Variants in CYP3A5 observed in about 807,000 individuals in gnomAD.
CYP3A5 encodes cytochrome P450 3A5.
A neutral mutation model predicts 55.9 loss-of-function variants in CYP3A5; 51 were observed. The ratio of observed to expected loss-of-function variants is 0.91; its 90% CI spans 0.73 to 1.15. The LOEUF (loss-of-function observed/expected upper bound fraction) is 1.15. Ranked by LOEUF, CYP3A5 falls within the 50% of genes most tolerant of loss-of-function variation. CYP3A5 has a pLI of 0.00. For synonymous variants in CYP3A5, 196 were observed against 213.9 expected (o/e 0.92, Z 0.73); for missense variants, 533 against 596.6 (o/e 0.89, Z 1.11).
rs1181150167 is a variant in CYP3A5 at position 99,664,033 on chromosome 7, T to C, written c.733A>G (p.Thr245Ala). The change falls in exon 8 of 13, where the codon ACC becomes GCC. Residue 245 changes from threonine to alanine, a missense_variant. By Grantham distance (58) the Thr-to-Ala change is moderately conservative (BLOSUM62 0). Transcript: ENST00000222982. ...ACAGATTTACTTAAAAAATTTATGGTATCTTTTGGAAACAGAGAGACATTT... is the reference window on the plus strand; with the variant it reads ...ACAGATTTACTTAAAAAATTTATGGCATCTTTTGGAAACAGAGAGACATTT... ...ALNVSLFPKD[T>A]INFLSKSVNR... is the part of the protein sequence containing the mutation. 3 of 1,601,472 alleles carry C rather than the reference T, an allele frequency of 1.9e-6. No homozygotes were observed. Among genetic ancestry groups the C allele is most frequent in the Non-Finnish European group, 2.5e-6 (3 of 1,177,338 alleles).
intron 7 of CYP3A5, 148 bp downstream of exon 7, chr7:99,665,018 T>G (rs2151420041): frequency 1.2e-6 from 1 of 818,432 alleles, no homozygotes; most frequent in East Asian, 2.7e-5. Flanking sequence ...ACATTTTAGT[T>G]TACAATAGTA....
Position 99,662,805 on chromosome 7 carries a change from T to C in CYP3A5, c.865+11A>G. 6.2e-7 allele frequency: 1 copy of C among 1,613,180 alleles called. No homozygotes were observed. The highest frequency in any genetic ancestry group is 2.2e-5 in the East Asian group (1 of 44,870). On this transcript the variant is annotated intron_variant, in intron 9 of 12. Coordinates refer to ENST00000222982, the MANE Select transcript of CYP3A5 (RefSeq NM_000777.5). The surrounding 1 kb of genome is among the most constrained non-coding windows in gnomAD (Gnocchi z 4.3). ...CCCCGCCAGTAGCCCTCAGAAGCAC[T>C]CCTTGGTTACCTTTGTGGGACTCAG...
At position 99,672,626 on chromosome 7, in the gene CYP3A5, C is replaced by T. The variant is rs767268743; in HGVS notation, c.272G>A (p.Arg91Lys). 1.2e-6 allele frequency: 2 copies of T among 1,614,120 alleles called. No individual in the cohort carries two copies. The highest frequency in any genetic ancestry group is 1.7e-6 in the Non-Finnish European group (2 of 1,179,980). Residue 91 changes from arginine (R) to lysine (K), a missense_variant, in exon 4 of 13, where the codon AGA (arginine) becomes AAA (lysine). Coordinates refer to ENST00000222982, the MANE Select transcript of CYP3A5 (RefSeq NM_000777.5). Reference protein sequence around the residue: ...VLAITDPDVIRTVLVKECYSV... With the variant: ...VLAITDPDVIKTVLVKECYSV... ...ATAACATTCTTTCACTAGCACTGTT[C>T]TGATCACGTCGGGATCTGTGATGGC...
intron 11 of CYP3A5, 131 bp downstream of exon 11, chr7:99,652,422 C>A (rs923732095): frequency 4.6e-5 from 29 of 630,700 alleles, no homozygotes; most frequent in Non-Finnish European, 5.5e-5. Flanking sequence ...ATAATTATCA[C>A]TTTTTTGTGA....
At chr7:99,670,475 T>C (rs1004971660) in intron 4 of CYP3A5, among the ~76,000 whole-genome samples, 3 of 152,254 alleles carry the variant, frequency 2.0e-5, no homozygotes, top group African/African-American at 7.2e-5. Flanking sequence ...TACAGGAATT[T>C]GAAAACAGGT....
intron 1 of CYP3A5, among the ~76,000 whole-genome samples, chr7:99,677,557 A>C (rs1354685177): frequency 6.6e-6 from 1 of 152,230 alleles, no homozygotes; most frequent in Non-Finnish European, 1.5e-5. Flanking sequence ...AAGGCAGTAT[A>C]GGTTCCAAAC....
At chr7:99,660,215 T>G (rs1810280500) in intron 10 of CYP3A5, 1 of 434,014 alleles carries the variant, frequency 2.3e-6, no homozygotes. Context: ...GCCACACTCC[T>G]TTTTTTTTTT....
intron 12 of CYP3A5, among the ~76,000 whole-genome samples, chr7:99,649,736 G>C (rs969687081): frequency 2.0e-5 from 3 of 152,208 alleles, no homozygotes; most frequent in African/African-American, 7.2e-5. Flanking sequence ...TGGTGATGGA[G>C]AACACCATTT....
Position 99,660,494 on chromosome 7 carries a change from C to T in CYP3A5, c.1026+5G>A. 1 of 1,607,846 alleles carries T rather than the reference C, an allele frequency of 6.2e-7. No homozygotes were observed. The highest frequency in any genetic ancestry group is 8.5e-7 in the Non-Finnish European group (1 of 1,176,926). On this transcript the variant is annotated splice_donor_5th_base_variant and intron_variant, in intron 10 of 12. Coordinates refer to ENST00000222982, the MANE Select transcript of CYP3A5 (RefSeq NM_000777.5). Reference sequence around the variant, plus strand: ...TCCCTTCATCTCCAGGGGTCATCCCCTCACCTTATTGGGCAAAACTGCATC... The same window carrying T: ...TCCCTTCATCTCCAGGGGTCATCCCTTCACCTTATTGGGCAAAACTGCATC...
At chr7:99,650,364 G>C (rs1809052774) in intron 11 of CYP3A5, 132 bp from the exon 12 acceptor site, 4 of 795,148 alleles carry the variant, frequency 5.0e-6, no homozygotes, top group Non-Finnish European at 8.1e-6. Flanking sequence ...TTTGTGGGCT[G>C]GTCATTGAAA....
intron 11 of CYP3A5, among the ~76,000 whole-genome samples, chr7:99,650,706 C>CCCT (rs1195287966): frequency 3.8e-4 from 58 of 151,094 alleles, no homozygotes; most frequent in African/African-American, 1.2e-3. Flanking sequence ...TTTCTAATTC[C>CCCT]CCTCCTCCTC....
intron 12 of CYP3A5, among the ~76,000 whole-genome samples, chr7:99,648,750 T>C (rs1808868649): frequency 6.6e-6 from 1 of 152,130 alleles, no homozygotes; most frequent in Non-Finnish European, 1.5e-5. Context: ...GCAAACTATT[T>C]TGGAAGTGCT....
chr7:99,668,570 A>T (rs1308136505), intron 4 of CYP3A5, among the ~76,000 whole-genome samples: 10 of 152,252 alleles, frequency 6.6e-5, no homozygotes, highest in Admixed American at 6.5e-4. Flanking sequence ...GGGTAATCAG[A>T]GTATGTCACA....
rs750530771 is a variant in CYP3A5, at chr7:99,676,294, C to T, written c.72-86G>A. On this transcript the variant is annotated intron_variant, in intron 1 of 12. Coordinates refer to ENST00000222982, the MANE Select transcript of CYP3A5 (RefSeq NM_000777.5). ...TGAGTTACTCAGGAACTGGAATGGT[C>T]AAGAGAGGGAGGTAATATGTACACG... is the stretch of plus-strand genomic sequence containing the variant. The T allele has an allele frequency of 8.8e-6, 14 of 1,596,750 alleles. No homozygotes were observed. In the South Asian group the frequency reaches 1.2e-4, roughly 14 times the overall value.
chr7:99,652,091 CAGAA>C (rs1388084080), intron 11 of CYP3A5, among the ~76,000 whole-genome samples: 1 of 151,756 alleles, frequency 6.6e-6, no homozygotes, highest in Non-Finnish European at 1.5e-5. Flanking sequence ...ATAGAAAAAA[CAGAA>C]AGGAATAAAA....
chr7:99,651,635 G>A (rs911637255), intron 11 of CYP3A5, among the ~76,000 whole-genome samples: 3 of 152,154 alleles, frequency 2.0e-5, no homozygotes, highest in Non-Finnish European at 2.9e-5. Flanking sequence ...AAACTTGCAG[G>A]TAGGGGCTAA....
rs1003430177 is a variant in CYP3A5 at position 99,651,901 on chromosome 7, C to T, written c.1253+652G>A. Among the ~76,000 whole-genome samples, 51 of 152,202 alleles carry T rather than the reference C, an allele frequency of 3.4e-4. 1 individual carries two copies. The highest frequency in any genetic ancestry group is 6.5e-5 in the Admixed American group (1 of 15,282). ...CAGCCACAGATAGGACCAGGAGGAC[C>T]TGTGCTGTCTTGTGTCTTCAGTGAA... On this transcript the variant is annotated intron_variant, in intron 11 of 12. Coordinates refer to ENST00000222982, the MANE Select transcript of CYP3A5 (RefSeq NM_000777.5).
In CYP3A5 at chr7:99,653,682, G is replaced by A. The variant is rs1052369633; in HGVS notation, c.1027-903C>T. On this transcript the variant is annotated intron_variant, in intron 10 of 12. Transcript: ENST00000222982. This position sits in a 1 kb window ranked among gnomAD's most constrained non-coding sequence, Gnocchi z 4.2. ...TGGACTGTAATCTTCAGGACTGGAT[G>A]TAAATGTCCCTTTGTGTCTGCCTCA... Among the ~76,000 whole-genome samples the A allele has an allele frequency of 1.2e-4, 19 of 152,272 alleles. No individual in the cohort carries two copies. Among genetic ancestry groups the A allele is most frequent in the East Asian group, 9.6e-4 (5 of 5,182 alleles).
rs189113128 is a variant in CYP3A5, at chr7:99,668,685, C to T, written c.319-1620G>A. 5.8e-4 allele frequency among the ~76,000 whole-genome samples: 89 copies of T among 152,272 alleles called. 3 individuals are homozygous for T. The highest frequency in any genetic ancestry group is 5.3e-3 in the Admixed American group (81 of 15,302). The stretch of plus-strand genomic sequence containing the variant: ...AATTAACTAACAAAGAGCGAGAGGA[C>T]GCTATTGCAGTGCCACGTGAAGTGA... On this transcript the variant is annotated intron_variant, in intron 4 of 12. Coordinates refer to ENST00000222982, the MANE Select transcript of CYP3A5 (RefSeq NM_000777.5).
Sources: gnomAD v4.1 joint callset for allele counts (sites outside exome capture counted in the v4.1 genomes callset) on GRCh38, gnomAD v4.1.1 for gene constraint, Gnocchi (gnomAD v3.1) non-coding constraint, MANE v1.5 for transcripts, NCBI Gene and HGNC (gene_info 2026-07-23, HGNC 2026-07-21) for gene names.